The following TSHZ2 variants were observed in gnomAD, a reference collection of about 807,000 sequenced individuals.
TSHZ2 encodes the protein teashirt zinc finger homeobox 2, also known as teashirt homolog 2.
In TSHZ2, 21 loss-of-function variants were observed where a neutral mutation model predicts 74.4. That is an observed-to-expected ratio of 0.28 (90% confidence interval 0.20 to 0.41). The LOEUF (loss-of-function observed/expected upper bound fraction) is 0.41. Among genes scored for constraint, TSHZ2 ranks in the 10% least tolerant of loss-of-function variants. The probability of loss-of-function intolerance (pLI) is 1.00; values close to 1 mark genes in which losing one functional copy is unlikely to be tolerated. For missense variants in TSHZ2, 1,244 were observed against 1,293.5 expected (o/e 0.96, Z 0.59); for synonymous variants, 540 against 515.3 (o/e 1.05, Z -0.65).
chr20:53,257,270 C>A (rs8120634), intron 2 of TSHZ2, among the ~76,000 whole-genome samples: 14 of 152,192 alleles, frequency 9.2e-5, no homozygotes, highest in African/African-American at 3.4e-4. Flanking sequence ...CTTCTTTCAT[C>A]TTTTGGTTTT....
intron 1 of TSHZ2, among the ~76,000 whole-genome samples, chr20:53,156,395 T>A (rs60274080): frequency 0.019 from 2,922 of 152,280 alleles, 108 homozygotes; most frequent in African/African-American, 0.066. Context: ...TTGGGTCACA[T>A]GGGCACTTGG....
intron 1 of TSHZ2, among the ~76,000 whole-genome samples, chr20:53,176,344 C>T (rs960440884): frequency 6.6e-6 from 1 of 152,180 alleles, no homozygotes; most frequent in African/African-American, 2.4e-5. Flanking sequence ...CAGCAGGTGT[C>T]AGAGGGACAG....
At chr20:53,478,950 G>C (rs1033281195) in intron 2 of TSHZ2, among the ~76,000 whole-genome samples, 1 of 151,942 alleles carries the variant, frequency 6.6e-6, no homozygotes, top group Non-Finnish European at 1.5e-5. Context: ...GGATCACTTC[G>C]GATCAGGGAT....
At chr20:53,247,299 G>C (rs1054824280) in intron 1 of TSHZ2, among the ~76,000 whole-genome samples, 3 of 152,176 alleles carry the variant, frequency 2.0e-5, no homozygotes, top group African/African-American at 4.8e-5. Context: ...ACTGGGCCCT[G>C]GCCTGTGGTA....
intron 1 of TSHZ2, among the ~76,000 whole-genome samples, chr20:53,124,938 T>C (rs1252349212): frequency 6.6e-6 from 1 of 152,208 alleles, no homozygotes; most frequent in Non-Finnish European, 1.5e-5. Context: ...CACTCAACTC[T>C]GCTGCTGTTG....
chr20:53,052,133 C>A (rs1984491089), intron 1 of TSHZ2, among the ~76,000 whole-genome samples: 1 of 152,178 alleles, frequency 6.6e-6, no homozygotes. Context: ...GACAACTCCC[C>A]ATTCTCTCCT....
intron 2 of TSHZ2, among the ~76,000 whole-genome samples, chr20:53,420,582 C>A (rs554252444): frequency 6.6e-6 from 1 of 152,124 alleles, no homozygotes; most frequent in Non-Finnish European, 1.5e-5. Flanking sequence ...AAAAATTAGC[C>A]GGGCTTAGTG....
intron 1 of TSHZ2, among the ~76,000 whole-genome samples, chr20:53,042,061 A>C (rs1430002506): frequency 4.0e-5 from 6 of 151,590 alleles, no homozygotes; most frequent in Non-Finnish European, 7.4e-5. Context: ...GGAAAAAAAA[A>C]ACATATGCCC....
intron 2 of TSHZ2, among the ~76,000 whole-genome samples, chr20:53,380,733 A>G (rs1393449612): frequency 2.0e-5 from 3 of 152,226 alleles, no homozygotes; most frequent in African/African-American, 7.2e-5. Context: ...TTCACTGCCA[A>G]TACTTCACCT....
At chr20:53,205,870 T>C (rs1272335636) in intron 1 of TSHZ2, among the ~76,000 whole-genome samples, 2 of 152,224 alleles carry the variant, frequency 1.3e-5, no homozygotes, top group Non-Finnish European at 2.9e-5. Flanking sequence ...ACTTATGAGC[T>C]GTGAGCCTGG....
At chr20:53,450,670 T>C in intron 2 of TSHZ2, among the ~76,000 whole-genome samples, 1 of 152,150 alleles carries the variant, frequency 6.6e-6, no homozygotes, top group South Asian at 2.1e-4. Context: ...ATTACAGGCA[T>C]GTGCCACCAT....
intron 2 of TSHZ2, among the ~76,000 whole-genome samples, chr20:53,360,668 C>G (rs1454555998): frequency 2.6e-5 from 4 of 152,176 alleles, no homozygotes; most frequent in Admixed American, 1.3e-4. Flanking sequence ...TGGGGATTAT[C>G]TTACCTAATT....
At chr20:53,468,729 A>T (rs914132609) in intron 2 of TSHZ2, among the ~76,000 whole-genome samples, 9 of 150,304 alleles carry the variant, frequency 6.0e-5, no homozygotes, top group African/African-American at 1.9e-4. Flanking sequence ...CTCTCCTCCA[A>T]CTTGAAAGCT....
chr20:53,247,414 CATGGCCCTCCAA>C (rs1206787999), intron 1 of TSHZ2, among the ~76,000 whole-genome samples: 1 of 152,216 alleles, frequency 6.6e-6, no homozygotes, highest in Non-Finnish European at 1.5e-5. Context: ...GATCCCTCCA[CATGGCCCTCCAA>C]GAGGCCCTCA....
chr20:53,415,017 GTTA>G (rs1161923308), intron 2 of TSHZ2, among the ~76,000 whole-genome samples: 2 of 152,144 alleles, frequency 1.3e-5, no homozygotes, highest in East Asian at 3.8e-4. Flanking sequence ...ATAAATAGGG[GTTA>G]TTATTATACA....
chr20:53,274,224 C>T (rs1269881088), intron 2 of TSHZ2, among the ~76,000 whole-genome samples: 2 of 152,178 alleles, frequency 1.3e-5, no homozygotes, highest in African/African-American at 2.4e-5. Context: ...GAGCCGAGAT[C>T]GCACCGCTGC....
At position 53,254,540 on chromosome 20, in the gene TSHZ2, G is replaced by A. The variant is rs765688066; in HGVS notation, c.1082G>A (p.Gly361Asp). ...CAGTTGTCCTCCAACAACCGCTATG[G>A]CTACCAAAATGGAGCCAGCTACACC... is the stretch of plus-strand genomic sequence containing the variant. ...NLQLSSNNRYGYQNGASYTWQ... is the reference protein window; with the variant it reads ...NLQLSSNNRYDYQNGASYTWQ... The change falls in exon 2 of 3, where the codon GGC becomes GAC. Residue 361 changes from glycine (G) to aspartate (D), a missense_variant. This residue lies in a region of TSHZ2 where 470 missense variants were observed against 456.5 expected (regional missense o/e 1.03). Transcript: ENST00000371497. The A allele has an allele frequency of 6.2e-7, 1 of 1,613,910 alleles. No homozygotes were observed. The highest frequency in any genetic ancestry group is 8.5e-7 in the Non-Finnish European group (1 of 1,179,832).
At chr20:53,188,169 G>A (rs557293902) in intron 1 of TSHZ2, among the ~76,000 whole-genome samples, 4 of 152,242 alleles carry the variant, frequency 2.6e-5, no homozygotes, top group African/African-American at 7.2e-5. Context: ...ATTCCAATGC[G>A]ACTTTGCATG....
intron 2 of TSHZ2, among the ~76,000 whole-genome samples, chr20:53,262,869 G>A (rs1990631018): frequency 6.6e-6 from 1 of 152,308 alleles, no homozygotes; most frequent in Middle Eastern, 3.4e-3. Context: ...TCACCTGGAG[G>A]GAAAAGGGAT....
Sources: gnomAD v4.1 joint callset for allele counts (sites outside exome capture counted in the v4.1 genomes callset) on GRCh38, gnomAD v4.1.1 for gene constraint, gnomAD v4.1.1 regional missense constraint, MANE v1.5 for transcripts, NCBI Gene and HGNC (gene_info 2026-07-23, HGNC 2026-07-21) for gene names.